ATP8A1: variants seen among roughly 807,000 people sequenced by gnomAD.
ATP8A1 encodes phospholipid-transporting ATPase IA.
ATP8A1 carries 90 observed loss-of-function variants against 177.7 expected under a neutral mutation model. That is an observed-to-expected ratio of 0.51 (90% CI 0.43 to 0.60). The LOEUF is 0.60. Among genes scored for constraint, ATP8A1 ranks in the 20% least tolerant of loss-of-function variants. The pLI is 0.00. For missense variants in ATP8A1, 1,072 were observed against 1,392.8 expected (o/e 0.77, Z 3.67); for synonymous variants, 493 against 485.9 (o/e 1.01, Z -0.19).
At chr4:42,522,624 C>T (rs1311799535) in intron 21 of ATP8A1, among the ~76,000 whole-genome samples, 1 of 152,146 alleles carries the variant, frequency 6.6e-6, no homozygotes, top group Non-Finnish European at 1.5e-5. Context: ...AATTTAAGCC[C>T]CAAAGCACGG....
chr4:42,473,017 A>G (rs1167837292), intron 25 of ATP8A1, among the ~76,000 whole-genome samples: 2 of 152,236 alleles, frequency 1.3e-5, no homozygotes, highest in Non-Finnish European at 2.9e-5. Flanking sequence ...GCGGAAAAGT[A>G]TCAGGGAAGT....
chr4:42,504,805 T>C (rs1013118028), intron 23 of ATP8A1, among the ~76,000 whole-genome samples: 1 of 152,258 alleles, frequency 6.6e-6, no homozygotes, highest in Non-Finnish European at 1.5e-5. Context: ...TTGCAGTAAA[T>C]GCAGAGTCCT....
In ATP8A1 at chr4:42,617,434, GCA is replaced by G. The variant is rs138949827; in HGVS notation, c.364-1358_364-1357del. 4.9e-3 allele frequency among the ~76,000 whole-genome samples: 744 copies of G among 152,306 alleles called. 5 individuals carry two copies. Among genetic ancestry groups the G allele is most frequent in the African/African-American group, 0.017 (699 of 41,558 alleles). On this transcript the variant is annotated intron_variant, in intron 4 of 36. Coordinates refer to ENST00000381668, the MANE Select transcript of ATP8A1 (RefSeq NM_006095.2). ...GGCATATTATTGCTTCCAAAAGCAA[GCA>G]CAGTTTGCCAAAAAAGATTCTTAAA...
At chr4:42,570,617 G>T (rs1406924608) in intron 14 of ATP8A1, among the ~76,000 whole-genome samples, 1 of 152,224 alleles carries the variant, frequency 6.6e-6, no homozygotes, top group African/African-American at 2.4e-5. Context: ...AGCCCTGGAA[G>T]AATGCTGAGC....
At chr4:42,470,577 T>C (rs1720287333) in intron 25 of ATP8A1, among the ~76,000 whole-genome samples, 1 of 152,134 alleles carries the variant, frequency 6.6e-6, no homozygotes, top group Non-Finnish European at 1.5e-5. Context: ...ATTAATAACC[T>C]AAAAAATTCT....
In ATP8A1 at chr4:42,412,736, A is replaced by T. The variant is rs1036358087; in HGVS notation, c.*180T>A. 9 of 513,580 alleles carry T rather than the reference A, an allele frequency of 1.8e-5. No homozygotes were observed. The East Asian group carries it at 2.8e-4, about 16-fold the overall frequency. The allele number at this position is 513,580 out of a possible 1,614,324, so 31.8% of individuals were successfully genotyped here. A position where few individuals can be genotyped will look rare whatever the true frequency, so the allele number is the denominator to read the frequency against. ...AAAAATCCAAAAGAGATGGTGTTAC[A>T]GTACAGTTGCACAGTGCTTATGTCT... On this transcript the variant is annotated 3_prime_UTR_variant, in exon 37 of 37. Coordinates refer to ENST00000381668, the MANE Select transcript of ATP8A1 (RefSeq NM_006095.2).
In ATP8A1 at chr4:42,579,964, T is replaced by C. The variant is rs1333019623; in HGVS notation, c.849A>G (p.Pro283=). The change falls in exon 11 of 37, where the codon CCA becomes CCG. Residue 283 remains proline, a synonymous_variant. Coordinates refer to ENST00000381668, the MANE Select transcript of ATP8A1 (RefSeq NM_006095.2). ...DTKLMQNSTS[P]PLKLSNVERI... ...GTTCCACATTTGAGAGCTTAAGTGG[T>C]GGACTTGTTGAATTCTGTAAAAAGA... The C allele has an allele frequency of 1.2e-6, 2 of 1,602,272 alleles. No homozygotes were observed. Among genetic ancestry groups the C allele is most frequent in the East Asian group, 4.5e-5 (2 of 44,640 alleles).
At chr4:42,466,616 G>A (rs997290447) in intron 25 of ATP8A1, among the ~76,000 whole-genome samples, 1 of 152,128 alleles carries the variant, frequency 6.6e-6, no homozygotes, top group African/African-American at 2.4e-5. Flanking sequence ...ATACATGGTT[G>A]CTATACGAAA....
chr4:42,426,317 C>T (rs1714613802), intron 33 of ATP8A1, among the ~76,000 whole-genome samples: 1 of 152,186 alleles, frequency 6.6e-6, no homozygotes, highest in African/African-American at 2.4e-5. Flanking sequence ...AAACTAACGG[C>T]ATGGTTCTTC....
Position 42,485,651 on chromosome 4 carries a change from G to A in ATP8A1, c.2169C>T (p.Leu723=). ...CACCAAGGGTAGTACAGTGACGACTGAGAGTTTCCCTTGTTCCCTGGAATA... is the reference window on the plus strand; with the variant it reads ...CACCAAGGGTAGTACAGTGACGACTAAGAGTTTCCCTTGTTCCCTGGAATA... The part of the protein sequence containing the change: ...EGSLDGTRET[L]SRHCTTLGDA... The change falls in exon 25 of 37, where the codon CTC becomes CTT. Residue 723 remains leucine (L), a synonymous_variant. Coordinates refer to ENST00000381668, the MANE Select transcript of ATP8A1 (RefSeq NM_006095.2). 6.2e-7 allele frequency: 1 copy of A among 1,611,016 alleles called. No individual in the cohort carries two copies. Among genetic ancestry groups the A allele is most frequent in the Non-Finnish European group, 8.5e-7 (1 of 1,178,994 alleles).
chr4:42,604,042 C>T (rs1224363783), intron 5 of ATP8A1, among the ~76,000 whole-genome samples: 1 of 152,180 alleles, frequency 6.6e-6, no homozygotes, highest in Non-Finnish European at 1.5e-5. Flanking sequence ...TCACTCCCAA[C>T]ACACCCTCCT....
chr4:42,610,459 T>G (rs1204869446), intron 5 of ATP8A1, among the ~76,000 whole-genome samples: 1 of 151,970 alleles, frequency 6.6e-6, no homozygotes, highest in Admixed American at 6.6e-5. Context: ...AAAGACAATG[T>G]GAGTGGAGTA....
chr4:42,633,273 T>C (rs1172467666), intron 1 of ATP8A1, among the ~76,000 whole-genome samples: 1 of 152,194 alleles, frequency 6.6e-6, no homozygotes, highest in Non-Finnish European at 1.5e-5. Flanking sequence ...ATCACATGCT[T>C]ATATGCACAC....
chr4:42,454,267 G>A (rs905647113), intron 29 of ATP8A1, among the ~76,000 whole-genome samples: 2 of 152,140 alleles, frequency 1.3e-5, no homozygotes, highest in African/African-American at 4.8e-5. Context: ...TATGCTGTGA[G>A]GTTAGAGGCA....
intron 25 of ATP8A1, among the ~76,000 whole-genome samples, chr4:42,472,869 G>A (rs975071442): frequency 3.3e-5 from 5 of 151,698 alleles, no homozygotes; most frequent in Non-Finnish European, 5.9e-5. Context: ...TCTAGGAAAA[G>A]GACAATGAAA....
chr4:42,528,468 T>G (rs1056778757), intron 20 of ATP8A1, among the ~76,000 whole-genome samples: 1 of 152,180 alleles, frequency 6.6e-6, no homozygotes, highest in African/African-American at 2.4e-5. Flanking sequence ...ACATGGATCT[T>G]GGGGAATGAC....
chr4:42,427,653 G>C (rs918444249), intron 33 of ATP8A1, among the ~76,000 whole-genome samples: 1 of 152,200 alleles, frequency 6.6e-6, no homozygotes, highest in Middle Eastern at 3.2e-3. Flanking sequence ...ATGAAGTCCA[G>C]CTTTTGCTTA....
At chr4:42,492,907 T>C (rs1358911885) in intron 24 of ATP8A1, among the ~76,000 whole-genome samples, 1 of 152,192 alleles carries the variant, frequency 6.6e-6, no homozygotes, top group African/African-American at 2.4e-5. Flanking sequence ...TTTACTTCCC[T>C]TCCTTAGAAA....
chr4:42,509,817 A>G (rs1031147590), intron 22 of ATP8A1, among the ~76,000 whole-genome samples: 3 of 140,978 alleles, frequency 2.1e-5, no homozygotes, highest in African/African-American at 8.0e-5. Context: ...AAGCCACTGC[A>G]CTCCAGCCTG....
Sources: allele counts gnomAD v4.1 joint callset (sites outside exome capture counted in the v4.1 genomes callset), GRCh38; gene constraint gnomAD v4.1.1; transcripts MANE v1.5; gene names NCBI Gene and HGNC (gene_info 2026-07-23, HGNC 2026-07-21).